Variants in IGSF10 observed in about 807,000 individuals in gnomAD.
IGSF10 encodes the protein calvaria mechanical force protein 608.
A neutral mutation model predicts 128.2 loss-of-function variants in IGSF10; 126 were observed. The observed-to-expected ratio is 0.98, with a 90% confidence interval of 0.85 to 1.14. The LOEUF is 1.14. Among genes scored for constraint, IGSF10 ranks in the 50% most tolerant of loss-of-function variants. The pLI, the probability that IGSF10 is intolerant of heterozygous loss-of-function variation, is 0.00. For synonymous variants in IGSF10, 1,185 were observed against 1,146.2 expected, an observed-to-expected ratio of 1.03 and a Z score of -0.68; for missense variants, 3,295 against 3,149.8, an observed-to-expected ratio of 1.05 and a Z score of -1.10.
chr3:151,530,565 G>A, the IGSF10 span, among the ~76,000 whole-genome samples: 4 of 152,186 alleles, frequency 2.6e-5, no homozygotes, highest in Middle Eastern at 3.4e-3. Flanking sequence ...AATATTCAAC[G>A]TTCTTAAAGA....
the IGSF10 span, among the ~76,000 whole-genome samples, chr3:151,575,913 GC>G: frequency 6.6e-6 from 1 of 152,038 alleles, no homozygotes; most frequent in African/African-American, 2.4e-5. Flanking sequence ...TTACGTATAG[GC>G]AATTTTCACA....
the IGSF10 span, among the ~76,000 whole-genome samples, chr3:151,563,157 T>C: frequency 6.6e-6 from 1 of 152,002 alleles, no homozygotes; most frequent in Non-Finnish European, 1.5e-5. Flanking sequence ...GAGTTAATGC[T>C]CTCAGGTGTG....
chr3:151,549,154 G>C, the IGSF10 span, among the ~76,000 whole-genome samples: 3 of 152,106 alleles, frequency 2.0e-5, no homozygotes, highest in Non-Finnish European at 4.4e-5. Context: ...TTAAGAATAG[G>C]ACACTAAAAA....
chr3:151,551,409 T>C, the IGSF10 span, among the ~76,000 whole-genome samples: 48 of 152,068 alleles, frequency 3.2e-4, no homozygotes, highest in African/African-American at 1.1e-3. Flanking sequence ...ACACAAAAAG[T>C]TGGCCTTCTA....
chr3:151,502,169 C>T, the IGSF10 span, among the ~76,000 whole-genome samples: 124,380 of 152,038 alleles, frequency 0.82, 50,967 homozygotes, highest in Middle Eastern at 0.93. Context: ...CAGTAAACTG[C>T]TTTTCTTATC....
At chr3:151,514,711 C>A in the IGSF10 span, among the ~76,000 whole-genome samples, 1 of 152,080 alleles carries the variant, frequency 6.6e-6, no homozygotes, top group Non-Finnish European at 1.5e-5. Flanking sequence ...TTTTTGCAAC[C>A]TACTCATCTG....
At chr3:151,595,031 C>A in the IGSF10 span, among the ~76,000 whole-genome samples, 1 of 151,902 alleles carries the variant, frequency 6.6e-6, no homozygotes, top group African/African-American at 2.4e-5. Context: ...CATCAGTAAT[C>A]ATCAGAGAAA....
the IGSF10 span, among the ~76,000 whole-genome samples, chr3:151,557,715 T>C: frequency 1.3e-5 from 2 of 151,790 alleles, no homozygotes; most frequent in Non-Finnish European, 2.9e-5. Flanking sequence ...ATTCTGCTTC[T>C]AATACAAGAA....
At position 151,437,977 on chromosome 3, in the gene IGSF10, T is replaced by C. The variant is rs139594132; in HGVS notation, c.6584A>G (p.Asn2195Ser). Residue 2195 changes from asparagine to serine, a missense_variant, in exon 8 of 8, where the codon AAT becomes AGT. Asn to Ser is a conservative substitution (Grantham distance 46, BLOSUM62 1). Coordinates refer to ENST00000282466, the MANE Select transcript of IGSF10 (RefSeq NM_178822.5). ...CACTTTGTTGATGGTCAAAGACCCA[T>C]TGGCATGAAATGTGTACCTATCAAT... ...FSIDRYTFHA[N>S]GSLTINKVKL... 3.1e-5 allele frequency: 50 copies of C among 1,614,084 alleles called. No homozygotes were observed. Among genetic ancestry groups the C allele is most frequent in the Non-Finnish European group, 4.0e-5 (47 of 1,180,034 alleles).
chr3:151,553,993 A>G, the IGSF10 span, among the ~76,000 whole-genome samples: 274 of 152,056 alleles, frequency 1.8e-3, 2 homozygotes, highest in African/African-American at 6.2e-3. Context: ...ACAAAAGAAA[A>G]ATAGTAGCCA....
chr3:151,436,477 T>TTAAG lies in IGSF10; in HGVS notation c.*208_*211dup. The TTAAG allele has an allele frequency of 2.3e-6, 1 of 430,468 alleles. No homozygotes were observed. The highest frequency in any genetic ancestry group is 4.7e-5 in the South Asian group (1 of 21,218). 26.7% of individuals were successfully genotyped at this position (430,468 alleles called of 1,614,324 possible). On this transcript the variant is annotated 3_prime_UTR_variant, in exon 8 of 8. Coordinates refer to ENST00000282466, the MANE Select transcript of IGSF10 (RefSeq NM_178822.5). ...TATTTGTTGGCAAAATAAAAGTGCC[T>TTAAG]TAAGTTAAAAGTTTGTTTTGAGATC...
the IGSF10 span, among the ~76,000 whole-genome samples, chr3:151,492,017 A>G: frequency 2.6e-5 from 1 of 38,140 alleles, no homozygotes; most frequent in African/African-American, 2.0e-4. Flanking sequence ...AGACCACACC[A>G]AACTAAAAAA....
rs1721280359 is a variant in IGSF10 at position 151,447,693 on chromosome 3, G to A, written c.2288C>T (p.Ala763Val). 1.2e-6 allele frequency: 2 copies of A among 1,614,138 alleles called. No homozygotes were observed. The highest frequency in any genetic ancestry group is 1.7e-6 in the Non-Finnish European group (2 of 1,180,040). ...PQHWAALLEK[A>V]KKNAMPDKRE... is the part of the protein sequence containing the mutation. ...CTTGTCTGGCATAGCATTCTTTTTA[G>A]CTTTCTCCAACAGTGCCGCCCAATG... The change falls in exon 6 of 8, where the codon GCT becomes GTT. Residue 763 changes from alanine (A) to valine (V), a missense_variant. Transcript: ENST00000282466.
At position 151,446,668 on chromosome 3, in the gene IGSF10, G is replaced by C; in HGVS notation, c.3313C>G (p.Leu1105Val). Residue 1105 changes from leucine (L) to valine (V), a missense_variant, in exon 6 of 8, where the codon CTA becomes GTA. By Grantham distance (32) the Leu-to-Val change is conservative (BLOSUM62 1). Transcript: ENST00000282466. ...AGTAGTAATAGTGGATTCTGGACTA[G>C]AGTTGTAGACTCTTCTGATGGGACT... ...ARVPSEESTTLVQNPLLLLEN... is the reference protein window; with the variant it reads ...ARVPSEESTTVVQNPLLLLEN... 3 of 1,613,992 alleles carry C rather than the reference G, an allele frequency of 1.9e-6. No homozygotes were observed. The highest frequency in any genetic ancestry group is 1.1e-5 in the South Asian group (1 of 91,080).
chr3:151,619,037 A>G, the IGSF10 span, among the ~76,000 whole-genome samples: 1 of 151,602 alleles, frequency 6.6e-6, no homozygotes, highest in Admixed American at 6.6e-5. Context: ...AATGAAAATT[A>G]ATAAATAGAA....
At chr3:151,540,321 T>G in the IGSF10 span, among the ~76,000 whole-genome samples, 1,935 of 152,288 alleles carry the variant, frequency 0.013, 42 homozygotes, top group African/African-American at 0.044. Flanking sequence ...AAGGGTAAGT[T>G]TACCTGAATT....
chr3:151,456,968 C>G (rs894496806), intron 4 of IGSF10, 58 bp downstream of exon 4: 3 of 1,579,894 alleles, frequency 1.9e-6, no homozygotes, highest in African/African-American at 2.7e-5. Flanking sequence ...CTTTGAAGGT[C>G]TATCTCACAG....
chr3:151,591,046 G>T, the IGSF10 span, among the ~76,000 whole-genome samples: 28 of 152,122 alleles, frequency 1.8e-4, no homozygotes, highest in African/African-American at 6.5e-4. Context: ...GATTCTAATG[G>T]TGGAAGAGAT....
At chr3:151,484,024 C>T in the IGSF10 span, among the ~76,000 whole-genome samples, 8 of 152,326 alleles carry the variant, frequency 5.3e-5, no homozygotes, top group African/African-American at 7.2e-5. Flanking sequence ...CCCACCTCCA[C>T]GGAGCCAAGC....
Sources: gnomAD v4.1 joint callset for allele counts (sites outside exome capture counted in the v4.1 genomes callset) on GRCh38, gnomAD v4.1.1 for gene constraint, MANE v1.5 for transcripts, NCBI Gene and HGNC (gene_info 2026-07-23, HGNC 2026-07-21) for gene names.